FN1: variants seen among roughly 807,000 people sequenced by gnomAD.
FN1 encodes fibronectin.
In FN1, 106 loss-of-function variants were observed where a neutral mutation model predicts 297.3. That is an observed-to-expected ratio of 0.36 (90% CI 0.30 to 0.42). The LOEUF is 0.42. Among genes scored for constraint, FN1 ranks in the 10% least tolerant of loss-of-function variants. FN1 has a pLI of 1.00. For synonymous variants in FN1, 1,149 were observed against 1,152.6 expected, an observed-to-expected ratio of 1.00 and a Z score of 0.06; for missense variants, 2,690 against 3,124.9, an observed-to-expected ratio of 0.86 and a Z score of 3.32.
rs1559609584 is a variant in FN1 at position 215,431,892 on chromosome 2, T to A, written c.488A>T (p.Tyr163Phe). The A allele has an allele frequency of 6.2e-7, 1 of 1,613,838 alleles. No individual in the cohort carries two copies. Among genetic ancestry groups the A allele is most frequent in the Non-Finnish European group, 8.5e-7 (1 of 1,179,730 alleles). ...ACCAAGACACACACACTCTAACATG[T>A]AACCACCAGTCTCATGTGGTCTCCT... is the stretch of plus-strand genomic sequence containing the variant. ...TWRRPHETGG[Y>F]MLECVCLGNG... The change falls in exon 4 of 46, where the codon TAC (tyrosine) becomes TTC (phenylalanine). Residue 163 changes from tyrosine (Y) to phenylalanine (F), a missense_variant. Tyr to Phe is a conservative substitution (Grantham distance 22). This residue lies in a region of FN1 where 876 missense variants were observed against 1,058.1 expected (regional missense o/e 0.83). Transcript: ENST00000354785.
chr2:215,375,923 C>A (rs1465943011), intron 36 of FN1, among the ~76,000 whole-genome samples: 3 of 152,152 alleles, frequency 2.0e-5, no homozygotes, highest in Non-Finnish European at 4.4e-5. Context: ...ATCACTGATA[C>A]AGACAAGGAC....
chr2:215,373,810 C>G (rs567280313), intron 38 of FN1, among the ~76,000 whole-genome samples: 80 of 151,638 alleles, frequency 5.3e-4, no homozygotes, highest in Middle Eastern at 3.4e-3. Flanking sequence ...ACCCGAGTAG[C>G]TGGGACTACA....
chr2:215,424,118 T>C lies in FN1; in HGVS notation c.1216+28A>G, dbSNP rs56137176. 0.24 allele frequency: 393,543 copies of C among 1,610,350 alleles called. 50,429 individuals carry two copies. The highest frequency in any genetic ancestry group is 0.3 in the South Asian group (27,567 of 90,968). ...GGGCATGAAAGTGAGTTTTTCTCACTTCTGTGGCTCCCCCTTGGGACACTC... is the reference window on the plus strand; with the variant it reads ...GGGCATGAAAGTGAGTTTTTCTCACCTCTGTGGCTCCCCCTTGGGACACTC... On this transcript the variant is annotated intron_variant, in intron 8 of 45. Coordinates refer to ENST00000354785, the MANE Select transcript of FN1 (RefSeq NM_212482.4).
Position 215,434,822 on chromosome 2 carries a change from C to G in FN1, c.151G>C (p.Gly51Arg), listed in dbSNP as rs753700889. The change falls in exon 2 of 46, where the codon GGT becomes CGT. Residue 51 changes from glycine to arginine, a missense_variant and splice_region_variant. This residue lies in a region of FN1 where 876 missense variants were observed against 1,058.1 expected (regional missense o/e 0.83). Coordinates refer to ENST00000354785, the MANE Select transcript of FN1 (RefSeq NM_212482.4). ...SPVAVSQSKP[G>R]CYDNGKHYQI... ...TAGTGTTTTCCATTGTCATAACAACCGGCTGCAAATAATTGAAGGAAAACG... is the reference window on the plus strand; with the variant it reads ...TAGTGTTTTCCATTGTCATAACAACGGGCTGCAAATAATTGAAGGAAAACG... 2 of 1,604,334 alleles carry G rather than the reference C, an allele frequency of 1.2e-6. No homozygotes were observed. The highest frequency in any genetic ancestry group is 2.2e-5 in the South Asian group (2 of 90,886).
rs9288509 is a variant in FN1, at chr2:215,423,180, T to TCACA, written c.1393+166_1393+169dup. Among the ~76,000 whole-genome samples the TCACA allele has an allele frequency of 0.11, 15,784 of 148,754 alleles. 985 individuals are homozygous for TCACA. Among genetic ancestry groups the TCACA allele is most frequent in the African/African-American group, 0.18 (7,147 of 40,452 alleles). On this transcript the variant is annotated intron_variant, in intron 9 of 45. Transcript: ENST00000354785. ...CAATCCTTATGTATATGATGTAACATCACACACACACACACACACACACAC... is the reference window on the plus strand; with the variant it reads ...CAATCCTTATGTATATGATGTAACATCACACACACACACACACACACACACACAC...
intron 15 of FN1, 47 bp downstream of exon 15, chr2:215,409,516 T>C: frequency 6.3e-7 from 1 of 1,595,166 alleles, no homozygotes. Flanking sequence ...AAGGAGAGTT[T>C]TCCAGCAGCT....
intron 5 of FN1, 82 bp downstream of exon 5, chr2:215,430,633 A>G: frequency 1.3e-6 from 2 of 1,512,734 alleles, no homozygotes; most frequent in Non-Finnish European, 1.8e-6. Flanking sequence ...ATGTGTTCTG[A>G]GTAACATAGT....
chr2:215,392,520 T>TCGCCG, intron 25 of FN1: 2 of 252,552 alleles, frequency 7.9e-6, no homozygotes, highest in Non-Finnish European at 1.6e-5. Flanking sequence ...ATGGTAGAGT[T>TCGCCG]TATCAAAGGG....
At chr2:215,375,549 C>A in intron 37 of FN1, 80 bp downstream of exon 37, 3 of 1,235,328 alleles carry the variant, frequency 2.4e-6, no homozygotes, top group Non-Finnish European at 3.6e-6. Flanking sequence ...CAAAAATATA[C>A]GCCTCACATT....
chr2:215,408,249 T>C, intron 16 of FN1, 49 bp downstream of exon 16: 2 of 1,613,710 alleles, frequency 1.2e-6, no homozygotes, highest in Non-Finnish European at 1.7e-6. Flanking sequence ...ACTACAGGCC[T>C]GTGTTTTACA....
At chr2:215,414,361 C>A (rs761456369) in intron 13 of FN1, among the ~76,000 whole-genome samples, 3 of 152,062 alleles carry the variant, frequency 2.0e-5, no homozygotes, top group Admixed American at 6.6e-5. Context: ...TAAATAAATT[C>A]AGTGGGTCAA....
At chr2:215,434,573 G>C in intron 2 of FN1, 123 bp downstream of exon 2, 1 of 1,185,662 alleles carries the variant, frequency 8.4e-7, no homozygotes, top group South Asian at 1.2e-5. Context: ...TTAAACTTAA[G>C]AGGAAATGAC....
intron 35 of FN1, 127 bp downstream of exon 35, chr2:215,378,048 C>T (rs554345441): frequency 1.5e-5 from 11 of 711,556 alleles, no homozygotes; most frequent in East Asian, 5.3e-5. Context: ...CCTCAAGTGA[C>T]GCTCCCGCCT....
In FN1 at chr2:215,364,983, C is replaced by T; in HGVS notation, c.7147G>A (p.Glu2383Lys). 1.9e-6 allele frequency: 3 copies of T among 1,562,294 alleles called. No homozygotes were observed. Among genetic ancestry groups the T allele is most frequent in the Admixed American group, 1.9e-5 (1 of 54,014 alleles). Residue 2383 changes from glutamate (E) to lysine (K), a missense_variant and splice_region_variant, in exon 44 of 46, where the codon GAG becomes AAG. Glu to Lys is a moderately conservative substitution (Grantham distance 56). Coordinates refer to ENST00000354785, the MANE Select transcript of FN1 (RefSeq NM_212482.4). ...GKGEFKCDPH[E>K]ATCYDDGKTY... ...TTCCCATCATCATAACACGTTGCCTCATCTGCATATAGACACAAGACAGAT... is the reference window on the plus strand; with the variant it reads ...TTCCCATCATCATAACACGTTGCCTTATCTGCATATAGACACAAGACAGAT...
intron 6 of FN1, among the ~76,000 whole-genome samples, chr2:215,427,038 G>A (rs1424918484): frequency 1.3e-5 from 2 of 151,884 alleles, no homozygotes; most frequent in African/African-American, 2.4e-5. Context: ...ACAACGCCTG[G>A]TTAATTTTTT....
chr2:215,421,267 A>T (rs749997083), intron 10 of FN1: 16 of 245,356 alleles, frequency 6.5e-5, no homozygotes, highest in Admixed American at 4.2e-4. Flanking sequence ...AGATTTGGGA[A>T]ATAAAATGTC....
At chr2:215,384,627 A>C (rs2058668518) in intron 29 of FN1, 1 of 463,700 alleles carries the variant, frequency 2.2e-6, no homozygotes, top group African/African-American at 2.0e-5. Flanking sequence ...CAATCCTTTT[A>C]TTTCCTCAGC....
In FN1 at chr2:215,372,229, C is replaced by T. The variant is rs949617049; in HGVS notation, c.6394G>A (p.Gly2132Ser). 1.9e-6 allele frequency: 3 copies of T among 1,614,152 alleles called. No homozygotes were observed. Among genetic ancestry groups the T allele is most frequent in the Non-Finnish European group, 2.5e-6 (3 of 1,180,036 alleles). Residue 2132 changes from glycine (G) to serine (S), a missense_variant, in exon 40 of 46, where the codon GGT (glycine) becomes AGT (serine). Physicochemically the swap from Gly to Ser is moderately conservative, Grantham distance 56. This residue lies in a region of FN1 where 1,743 missense variants were observed against 1,945.2 expected (regional missense o/e 0.90). Transcript: ENST00000354785. ...GNGIQLPGTS[G>S]QQPSVGQQMI... The stretch of plus-strand genomic sequence containing the variant: ...TGTTGCCCAACACTGGGTTGCTGAC[C>T]AGAAGTGCCAGGAAGCTGAATACCA...
chr2:215,399,683 G>A (rs1037294122), intron 20 of FN1, among the ~76,000 whole-genome samples: 1 of 152,158 alleles, frequency 6.6e-6, no homozygotes, highest in South Asian at 2.1e-4. Flanking sequence ...TTAGATGTTT[G>A]CTAAGGTGGT....
Sources: gnomAD v4.1 joint callset for allele counts (sites outside exome capture counted in the v4.1 genomes callset) on GRCh38, gnomAD v4.1.1 for gene constraint, gnomAD v4.1.1 regional missense constraint, MANE v1.5 for transcripts, NCBI Gene and HGNC (gene_info 2026-07-23, HGNC 2026-07-21) for gene names.